IL1RAPL1: variants seen among roughly 807,000 people sequenced by gnomAD.
The protein encoded by IL1RAPL1 is interleukin-1 receptor accessory protein-like 1.
Under a neutral mutation model 48.4 loss-of-function variants are expected in IL1RAPL1, and 3 were observed. The observed-to-expected ratio is 0.06, with a 90% CI of 0.03 to 0.16. The LOEUF (loss-of-function observed/expected upper bound fraction) is 0.16. IL1RAPL1 is among the 10% of genes least tolerant of loss of function. The pLI is 1.00. For synonymous variants in IL1RAPL1, 185 were observed against 187.7 expected (o/e 0.99, Z 0.12); for missense variants, 349 against 530.6 (o/e 0.66, Z 3.36).
chrX:28,789,169 T>C (rs1251341100), intron 1 of IL1RAPL1, among the ~76,000 whole-genome samples, 151 bp from the exon 2 acceptor site: 1 of 112,242 alleles, frequency 8.9e-6, no homozygotes, highest in Non-Finnish European at 1.9e-5. Flanking sequence ...CCACAACATA[T>C]GGGAAAATAT....
chrX:29,672,585 CA>C (rs2053776042), intron 6 of IL1RAPL1, among the ~76,000 whole-genome samples: 1 of 111,268 alleles, frequency 9.0e-6, no homozygotes. Context: ...AATCTCTATC[CA>C]TTTTCTTCTC....
chrX:29,950,825 C>G (rs1031827014), intron 9 of IL1RAPL1, among the ~76,000 whole-genome samples: 1 of 109,872 alleles, frequency 9.1e-6, no homozygotes, highest in Non-Finnish European at 1.9e-5. Context: ...TACAGGCGCC[C>G]GCAACCACGC....
chrX:28,747,497 C>T (rs762020847), intron 1 of IL1RAPL1, among the ~76,000 whole-genome samples: 4 of 110,256 alleles, frequency 3.6e-5, no homozygotes, highest in East Asian at 2.9e-4. Flanking sequence ...AAAAATTAGC[C>T]GTGGGTGGTG....
At position 29,522,106 on chromosome X, in the gene IL1RAPL1, G is replaced by T. The variant is rs899261508; in HGVS notation, c.703+122798G>T. ...GAGGCCACTACAGCATTTATCAGTC[G>T]TTGTGGATTCTAGCCTAACTTGACC... On this transcript the variant is annotated intron_variant, in intron 5 of 10. Coordinates refer to ENST00000378993, the MANE Select transcript of IL1RAPL1 (RefSeq NM_014271.4). 6.3e-5 allele frequency among the ~76,000 whole-genome samples: 7 copies of T among 111,815 alleles called. No homozygotes were observed. In the Admixed American group the frequency reaches 6.6e-4, roughly 11 times the overall value.
At chrX:28,800,951 G>A (rs970748595) in intron 2 of IL1RAPL1, among the ~76,000 whole-genome samples, 3 of 107,801 alleles carry the variant, frequency 2.8e-5, no homozygotes, top group Non-Finnish European at 3.8e-5. Flanking sequence ...GTGTGACCTC[G>A]GCTCACTGCA....
In IL1RAPL1 at chrX:29,872,236, C is replaced by A. The variant is rs1391234876; in HGVS notation, c.779-45228C>A. On this transcript the variant is annotated intron_variant, in intron 6 of 10. Transcript: ENST00000378993. ...CACTTGACCTGATTATCCATGACAT[C>A]AATTTGGTGTATCCTAAACTTCATC... Among the ~76,000 whole-genome samples, 2 of 111,561 alleles carry A rather than the reference C, an allele frequency of 1.8e-5. 1 individual carries two copies. Among genetic ancestry groups the A allele is most frequent in the Middle Eastern group, 8.4e-3 (2 of 239 alleles).
chrX:28,711,257 A>G (rs775650701), intron 1 of IL1RAPL1, among the ~76,000 whole-genome samples: 13 of 111,676 alleles, frequency 1.2e-4, no homozygotes, highest in Non-Finnish European at 1.7e-4. Flanking sequence ...ATGGGGAAAA[A>G]GGTTGAAAGG....
chrX:28,936,539 G>T (rs1924020545), intron 2 of IL1RAPL1, among the ~76,000 whole-genome samples: 1 of 109,899 alleles, frequency 9.1e-6, no homozygotes, highest in South Asian at 4.0e-4. Context: ...GTACTGTAAT[G>T]ATATAATAAC....
At chrX:29,761,812 G>C (rs2147145774) in intron 6 of IL1RAPL1, among the ~76,000 whole-genome samples, 1 of 111,228 alleles carries the variant, frequency 9.0e-6, no homozygotes, top group East Asian at 2.8e-4. Flanking sequence ...ATCTAGTTCA[G>C]TAGCAAGCAC....
At chrX:28,961,553 T>C (rs1298521290) in intron 2 of IL1RAPL1, among the ~76,000 whole-genome samples, 2 of 111,329 alleles carry the variant, frequency 1.8e-5, no homozygotes, top group East Asian at 5.7e-4. Context: ...CCTGTGTCCA[T>C]GTGTTCTCAC....
At chrX:29,294,535 T>G (rs927787248) in intron 3 of IL1RAPL1, among the ~76,000 whole-genome samples, 2 of 108,090 alleles carry the variant, frequency 1.9e-5, no homozygotes, top group Non-Finnish European at 3.8e-5. Flanking sequence ...AAAAAAAAAG[T>G]AAAATTGTAA....
intron 2 of IL1RAPL1, among the ~76,000 whole-genome samples, chrX:28,965,748 A>C (rs1924903695): frequency 8.9e-6 from 1 of 111,962 alleles, no homozygotes; most frequent in Non-Finnish European, 1.9e-5. Context: ...GCTCTTAGTG[A>C]TTGTGTCCTT....
intron 2 of IL1RAPL1, among the ~76,000 whole-genome samples, chrX:29,186,817 A>C (rs1013843283): frequency 1.5e-4 from 17 of 111,739 alleles, no homozygotes; most frequent in African/African-American, 5.5e-4. Flanking sequence ...TTCATAGGTA[A>C]GGAAGTCAAG....
chrX:29,323,721 A>G (rs1602170983), intron 3 of IL1RAPL1, among the ~76,000 whole-genome samples: 2 of 3,305 alleles, frequency 6.1e-4, no homozygotes, highest in East Asian at 0.026. Context: ...TTTTATATAT[A>G]TATATATATA....
intron 5 of IL1RAPL1, among the ~76,000 whole-genome samples, chrX:29,609,259 G>A (rs892613608): frequency 4.5e-5 from 5 of 111,749 alleles, no homozygotes; most frequent in East Asian, 5.6e-4. Context: ...GGCCTATCCC[G>A]GATCTAAGCT....
chrX:29,902,238 A>G (rs1298057341), intron 6 of IL1RAPL1, among the ~76,000 whole-genome samples: 1 of 110,937 alleles, frequency 9.0e-6, no homozygotes, highest in Non-Finnish European at 1.9e-5. Flanking sequence ...GAGGTCATCA[A>G]GGGCATCTGG....
At chrX:29,267,197 T>C (rs1931969012) in intron 2 of IL1RAPL1, among the ~76,000 whole-genome samples, 1 of 112,003 alleles carries the variant, frequency 8.9e-6, no homozygotes, top group African/African-American at 3.2e-5. Flanking sequence ...ACAGAATGCA[T>C]GATTAATCTC....
chrX:29,954,479 TGTAGA>T, intron 9 of IL1RAPL1, 38 bp from the exon 10 acceptor site: 3 of 1,075,057 alleles, frequency 2.8e-6, no homozygotes, highest in Non-Finnish European at 3.9e-6. Flanking sequence ...TTGTTATCTT[TGTAGA>T]GTAGTGACTT....
chrX:29,249,168 G>A (rs1054823407), intron 2 of IL1RAPL1, among the ~76,000 whole-genome samples: 9 of 111,445 alleles, frequency 8.1e-5, no homozygotes, highest in Non-Finnish European at 1.5e-4. Context: ...CTCGGCTGGG[G>A]AGATTGGAGT....
Sources: allele counts gnomAD v4.1 joint callset (sites outside exome capture counted in the v4.1 genomes callset), GRCh38; gene constraint gnomAD v4.1.1; transcripts MANE v1.5; gene names NCBI Gene and HGNC (gene_info 2026-07-23, HGNC 2026-07-21).